C1QTNF7: variants seen among roughly 807,000 people sequenced by gnomAD.
C1QTNF7 encodes the protein C1q and TNF related 7.
In C1QTNF7, 15 loss-of-function variants were observed where a neutral mutation model predicts 19.6. That is an observed-to-expected ratio of 0.76 (90% CI 0.51 to 1.18). C1QTNF7 has a LOEUF of 1.18. Ranked by LOEUF, C1QTNF7 falls within the 50% of genes most tolerant of loss-of-function variation. The probability of loss-of-function intolerance (pLI) is 0.00; values close to 1 mark genes in which losing one functional copy is unlikely to be tolerated. For synonymous variants in C1QTNF7, 142 were observed against 137.5 expected, an observed-to-expected ratio of 1.03 and a Z score of -0.23; for missense variants, 324 against 359.7, an observed-to-expected ratio of 0.90 and a Z score of 0.80.
At chr4:15,400,959 A>G (rs909291116) in intron 1 of C1QTNF7, among the ~76,000 whole-genome samples, 1 of 152,070 alleles carries the variant, frequency 6.6e-6, no homozygotes, top group African/African-American at 2.4e-5. Context: ...TAGGTAATTC[A>G]TGTTTTCTGC....
intron 1 of C1QTNF7, chr4:15,374,875 T>TG (rs1717873821): frequency 1.7e-6 from 1 of 577,186 alleles, no homozygotes; most frequent in Non-Finnish European, 2.2e-6. Context: ...CTCTCTCTTT[T>TG]TTTTTATGAT....
intron 1 of C1QTNF7, among the ~76,000 whole-genome samples, chr4:15,348,816 G>C (rs1001408311): frequency 3.3e-5 from 5 of 152,086 alleles, no homozygotes. Flanking sequence ...GACATAAAAG[G>C]AATTCCCATT....
intron 1 of C1QTNF7, among the ~76,000 whole-genome samples, chr4:15,351,097 A>C (rs368327135): frequency 6.6e-5 from 10 of 152,242 alleles, no homozygotes; most frequent in African/African-American, 2.4e-4. Flanking sequence ...TGTGAGGATT[A>C]AGTGAGATAA....
rs557899274 is a variant in C1QTNF7 at position 15,405,244 on chromosome 4, T to C, written c.14-30492T>C. ...CTTTCATCCTCGCACTTGTGTCGAA[T>C]GACAGCAGGCGGGCTCTACACTTGA... is the stretch of plus-strand genomic sequence containing the variant. On this transcript the variant is annotated intron_variant, in intron 1 of 2. Transcript: ENST00000295297. Among the ~76,000 whole-genome samples, 76 of 152,238 alleles carry C rather than the reference T, an allele frequency of 5.0e-4. 1 individual carries two copies. Among genetic ancestry groups the C allele is most frequent in the African/African-American group, 1.7e-3 (71 of 41,536 alleles).
chr4:15,387,183 A>G (rs1419867563), intron 1 of C1QTNF7, among the ~76,000 whole-genome samples: 1 of 152,196 alleles, frequency 6.6e-6, no homozygotes, highest in African/African-American at 2.4e-5. Context: ...TGGCCTGAGC[A>G]TCCGAAAGAA....
At chr4:15,353,374 C>T (rs1460996820) in intron 1 of C1QTNF7, among the ~76,000 whole-genome samples, 1 of 152,082 alleles carries the variant, frequency 6.6e-6, no homozygotes, top group Non-Finnish European at 1.5e-5. Context: ...GCCAACATAC[C>T]CATAAAAGGG....
intron 1 of C1QTNF7, among the ~76,000 whole-genome samples, chr4:15,399,818 C>T (rs1363633496): frequency 6.6e-6 from 1 of 152,188 alleles, no homozygotes; most frequent in African/African-American, 2.4e-5. Context: ...TTGGAAGGTG[C>T]TTTCAAGTAG....
At chr4:15,343,087 T>C (rs55948310) in intron 1 of C1QTNF7, among the ~76,000 whole-genome samples, 15,596 of 152,296 alleles carry the variant, frequency 0.1, 1,110 homozygotes, top group Middle Eastern at 0.22. Flanking sequence ...GCTATTCTTA[T>C]TAGCTATTAA....
At chr4:15,413,762 T>A (rs1310185590) in intron 1 of C1QTNF7, among the ~76,000 whole-genome samples, 1 of 152,226 alleles carries the variant, frequency 6.6e-6, no homozygotes, top group Non-Finnish European at 1.5e-5. Flanking sequence ...CCTCTGTGGA[T>A]GGAGACAAGG....
At chr4:15,356,257 A>G (rs1442248401) in intron 1 of C1QTNF7, among the ~76,000 whole-genome samples, 3 of 151,978 alleles carry the variant, frequency 2.0e-5, no homozygotes, top group Admixed American at 1.3e-4. Context: ...CCTAGCCCCC[A>G]ACCCCCTGAC....
chr4:15,417,436 T>C (rs1465620976), intron 1 of C1QTNF7, among the ~76,000 whole-genome samples: 1 of 152,266 alleles, frequency 6.6e-6, no homozygotes, highest in Non-Finnish European at 1.5e-5. Context: ...TGTTAGTCTA[T>C]TCTTGCATTG....
chr4:15,346,018 T>C (rs763867905), intron 1 of C1QTNF7, among the ~76,000 whole-genome samples: 9 of 152,212 alleles, frequency 5.9e-5, no homozygotes, highest in Non-Finnish European at 1.0e-4. Context: ...CTATTTTCTG[T>C]TGCTAAATGC....
At chr4:15,380,916 C>T (rs959350364) in intron 1 of C1QTNF7, among the ~76,000 whole-genome samples, 1 of 151,572 alleles carries the variant, frequency 6.6e-6, no homozygotes, top group Non-Finnish European at 1.5e-5. Flanking sequence ...GCCTGGGCAA[C>T]AGAGTGAGAC....
intron 1 of C1QTNF7, among the ~76,000 whole-genome samples, chr4:15,384,417 A>C (rs1718256605): frequency 6.6e-6 from 1 of 151,174 alleles, no homozygotes; most frequent in Non-Finnish European, 1.5e-5. Context: ...TTTTTTTTTT[A>C]TTTTAAACCC....
At chr4:15,379,519 A>G (rs1718065407) in intron 1 of C1QTNF7, among the ~76,000 whole-genome samples, 1 of 152,238 alleles carries the variant, frequency 6.6e-6, no homozygotes, top group African/African-American at 2.4e-5. Flanking sequence ...TTAAATAACA[A>G]GGAAGTTCAT....
At chr4:15,433,538 A>G (rs1712414784) in intron 1 of C1QTNF7, among the ~76,000 whole-genome samples, 1 of 152,238 alleles carries the variant, frequency 6.6e-6, no homozygotes, top group African/African-American at 2.4e-5. Context: ...GAAAAATTAA[A>G]TGTCCATTTT....
chr4:15,398,869 A>T (rs1211284529), intron 1 of C1QTNF7, among the ~76,000 whole-genome samples: 2 of 151,990 alleles, frequency 1.3e-5, no homozygotes, highest in African/African-American at 4.8e-5. Context: ...CAAGTGCATG[A>T]CTCCACCTTT....
At chr4:15,440,428 T>TA (rs1008850547) in intron 2 of C1QTNF7, among the ~76,000 whole-genome samples, 1 of 143,794 alleles carries the variant, frequency 7.0e-6, no homozygotes, top group Non-Finnish European at 1.5e-5. Flanking sequence ...TTTTTTTTGA[T>TA]ACTGAGTCTT....
chr4:15,391,202 G>T (rs1021862698), intron 1 of C1QTNF7, among the ~76,000 whole-genome samples: 2 of 151,532 alleles, frequency 1.3e-5, no homozygotes, highest in African/African-American at 4.9e-5. Context: ...ATGTTGTAAC[G>T]AGAGACAGTA....
Sources: allele counts gnomAD v4.1 joint callset (sites outside exome capture counted in the v4.1 genomes callset), GRCh38; gene constraint gnomAD v4.1.1; transcripts MANE v1.5; gene names NCBI Gene and HGNC (gene_info 2026-07-23, HGNC 2026-07-21).